The following PARD3B variants were observed in gnomAD, a reference collection of about 807,000 sequenced individuals.
PARD3B encodes partitioning defective 3 homolog B.
Under a neutral mutation model 130.2 loss-of-function variants are expected in PARD3B, and 103 were observed. The ratio of observed to expected loss-of-function variants is 0.79; its 90% CI spans 0.67 to 0.93. PARD3B has a LOEUF of 0.93. PARD3B is among the 40% of genes least tolerant of loss of function. The probability of loss-of-function intolerance (pLI) is 0.00; values close to 1 mark genes in which losing one functional copy is unlikely to be tolerated. For synonymous variants in PARD3B, 583 were observed against 553.2 expected (o/e 1.05, Z -0.76); for missense variants, 1,609 against 1,499.2 (o/e 1.07, Z -1.21).
At chr2:204,745,295 G>A (rs574194258) in intron 2 of PARD3B, among the ~76,000 whole-genome samples, 2 of 152,200 alleles carry the variant, frequency 1.3e-5, no homozygotes, top group South Asian at 4.1e-4. Flanking sequence ...TATGGACATT[G>A]ATAATAATAG....
chr2:204,992,712 A>G (rs1241479858), intron 3 of PARD3B, among the ~76,000 whole-genome samples: 6 of 117,516 alleles, frequency 5.1e-5, no homozygotes, highest in African/African-American at 1.9e-4. Flanking sequence ...ACCCATGAGC[A>G]TGGAATGTTC....
At chr2:204,916,289 G>A (rs1268779699) in intron 2 of PARD3B, among the ~76,000 whole-genome samples, 1 of 152,092 alleles carries the variant, frequency 6.6e-6, no homozygotes, top group Non-Finnish European at 1.5e-5. Flanking sequence ...GGCCACTTTT[G>A]TTAAAAATAT....
At chr2:205,507,452 G>C (rs1321182465) in intron 21 of PARD3B, among the ~76,000 whole-genome samples, 4 of 151,896 alleles carry the variant, frequency 2.6e-5, no homozygotes. Flanking sequence ...CTGACCTCGT[G>C]ATCTGCCTGC....
At chr2:204,813,577 G>T (rs2043040342) in intron 2 of PARD3B, among the ~76,000 whole-genome samples, 1 of 152,042 alleles carries the variant, frequency 6.6e-6, no homozygotes. Context: ...TCATGTCTAA[G>T]AAACTTTTGC....
At chr2:205,505,709 G>GC (rs1216820445) in intron 21 of PARD3B, among the ~76,000 whole-genome samples, 7 of 152,150 alleles carry the variant, frequency 4.6e-5, no homozygotes, top group Non-Finnish European at 8.8e-5. Flanking sequence ...ACAACGGGCT[G>GC]CTTTTTTCTT....
chr2:204,957,189 T>C (rs981777373), intron 2 of PARD3B, among the ~76,000 whole-genome samples: 1 of 152,124 alleles, frequency 6.6e-6, no homozygotes, highest in African/African-American at 2.4e-5. Context: ...GAGAAAAAAA[T>C]GTGATTCAAT....
chr2:204,756,165 A>C (rs1470463903), intron 2 of PARD3B, among the ~76,000 whole-genome samples: 1 of 151,986 alleles, frequency 6.6e-6, no homozygotes, highest in Non-Finnish European at 1.5e-5. Flanking sequence ...CTTTCTCCCT[A>C]CTCCTTCCCA....
chr2:205,422,846 A>G (rs1354871180), intron 19 of PARD3B, among the ~76,000 whole-genome samples: 1 of 1,496 alleles, frequency 6.7e-4, no homozygotes, highest in Non-Finnish European at 1.5e-3. Context: ...CCTGAAAAGA[A>G]TAGCTTGGTG....
intron 19 of PARD3B, among the ~76,000 whole-genome samples, chr2:205,429,156 G>A (rs1236902051): frequency 6.6e-6 from 1 of 152,152 alleles, no homozygotes; most frequent in East Asian, 1.9e-4. Context: ...TATTACAAAT[G>A]TGTATTATAT....
At chr2:204,958,659 A>T (rs1690480179) in intron 2 of PARD3B, among the ~76,000 whole-genome samples, 1 of 152,174 alleles carries the variant, frequency 6.6e-6, no homozygotes, top group Admixed American at 6.5e-5. Flanking sequence ...TATGGTAGGA[A>T]AAGAAATTAA....
At chr2:204,592,991 G>T (rs1004206186) in intron 1 of PARD3B, among the ~76,000 whole-genome samples, 1 of 152,164 alleles carries the variant, frequency 6.6e-6, no homozygotes, top group Non-Finnish European at 1.5e-5. Flanking sequence ...AAATTCTATT[G>T]TATGGATATG....
chr2:204,772,802 A>G (rs1437374398), intron 2 of PARD3B, among the ~76,000 whole-genome samples: 1 of 152,188 alleles, frequency 6.6e-6, no homozygotes, highest in Non-Finnish European at 1.5e-5. Flanking sequence ...TATGGTTTAT[A>G]TAAAACAACA....
At chr2:205,073,734 G>A (rs897407752) in intron 4 of PARD3B, among the ~76,000 whole-genome samples, 8 of 152,038 alleles carry the variant, frequency 5.3e-5, no homozygotes, top group Non-Finnish European at 1.0e-4. Context: ...CACACCAGGC[G>A]TTAGAACAGG....
In PARD3B at chr2:205,301,896, A is replaced by T. The variant is rs756803317; in HGVS notation, c.2630+195A>T. 1.2e-6 allele frequency: 1 copy of T among 832,006 alleles called. No individual in the cohort carries two copies. The highest frequency in any genetic ancestry group is 2.6e-5 in the East Asian group (1 of 39,188). 51.5% of individuals were successfully genotyped at this position (832,006 alleles called of 1,614,324 possible). On this transcript the variant is annotated intron_variant, in intron 18 of 22. Coordinates refer to ENST00000406610, the MANE Select transcript of PARD3B (RefSeq NM_001302769.2). This position sits in a 1 kb window ranked among gnomAD's most constrained non-coding sequence, Gnocchi z 5.2. ...TGGGGAAAGTTACAGTGATGACAGG[A>T]CACTGTCTTAAGTTTGTTGTCAAAG...
In PARD3B at chr2:204,799,031, C is replaced by G. The variant is rs970626081; in HGVS notation, c.222+112749C>G. Among the ~76,000 whole-genome samples the G allele has an allele frequency of 2.0e-4, 31 of 151,966 alleles. No homozygotes were observed. Among genetic ancestry groups the G allele is most frequent in the Admixed American group, 5.2e-4 (8 of 15,258 alleles). ...AAGAGTAAAGGGGACTTTTCCTTTA[C>G]TCACCAGCTCAGCCACAGCGAAGTG... On this transcript the variant is annotated intron_variant, in intron 2 of 22. Transcript: ENST00000406610. This position sits in a 1 kb window ranked among gnomAD's most constrained non-coding sequence, Gnocchi z 4.1.
At chr2:204,633,122 G>C (rs916376285) in intron 1 of PARD3B, among the ~76,000 whole-genome samples, 2 of 152,132 alleles carry the variant, frequency 1.3e-5, no homozygotes, top group African/African-American at 4.8e-5. Flanking sequence ...AGATCATAAG[G>C]TAGTTCTATT....
chr2:204,827,186 A>G (rs758190793), intron 2 of PARD3B, among the ~76,000 whole-genome samples: 12 of 152,224 alleles, frequency 7.9e-5, no homozygotes, highest in South Asian at 2.1e-4. Context: ...GCAACAATCC[A>G]TATTAACAGT....
chr2:204,646,511 C>T (rs552659430), intron 1 of PARD3B, among the ~76,000 whole-genome samples: 16 of 152,102 alleles, frequency 1.1e-4, no homozygotes, highest in Non-Finnish European at 1.6e-4. Context: ...ATATATTAAA[C>T]GTGAATTATC....
intron 2 of PARD3B, among the ~76,000 whole-genome samples, chr2:204,747,563 C>T (rs893607558): frequency 3.9e-5 from 6 of 152,044 alleles, no homozygotes; most frequent in Non-Finnish European, 7.4e-5. Flanking sequence ...ACTTTCTTCA[C>T]GTAATTGGAA....
Sources: allele counts gnomAD v4.1 joint callset (sites outside exome capture counted in the v4.1 genomes callset), GRCh38; gene constraint gnomAD v4.1.1; non-coding constraint Gnocchi (gnomAD v3.1); transcripts MANE v1.5; gene names NCBI Gene and HGNC (gene_info 2026-07-23, HGNC 2026-07-21).